RTF2: variants seen among roughly 807,000 people sequenced by gnomAD.
RTF2 encodes UPF0549 protein C20orf43.
Under a neutral mutation model 38.0 loss-of-function variants are expected in RTF2, and 18 were observed. The ratio of observed to expected loss-of-function variants is 0.47; its 90% confidence interval spans 0.33 to 0.70. The LOEUF (loss-of-function observed/expected upper bound fraction) is 0.70, where lower values mean the gene tolerates loss of function less well. Ranked by LOEUF, RTF2 falls within the 30% of genes least tolerant of loss-of-function variation. The pLI is 0.02. For missense variants in RTF2, 311 were observed against 379.6 expected (o/e 0.82, Z 1.50); for synonymous variants, 126 against 137.1 (o/e 0.92, Z 0.57).
intron 3 of RTF2, among the ~76,000 whole-genome samples, chr20:56,475,022 A>G (rs1157181869): frequency 6.6e-6 from 1 of 152,198 alleles, no homozygotes; most frequent in Non-Finnish European, 1.5e-5. Context: ...GATGTTCTCT[A>G]TTAATGTTAG....
chr20:56,477,499 C>T (rs1006725025), intron 4 of RTF2, among the ~76,000 whole-genome samples: 6 of 152,064 alleles, frequency 3.9e-5, no homozygotes, highest in South Asian at 2.1e-4. Context: ...ATCCCATTTC[C>T]TTCCTGTTAC....
chr20:56,468,798 G>T, intron 1 of RTF2, 32 bp downstream of exon 1: 2 of 1,543,020 alleles, frequency 1.3e-6, no homozygotes, highest in East Asian at 2.4e-5. Flanking sequence ...TTGGCGACCG[G>T]GGGTGGTGGG....
intron 4 of RTF2, among the ~76,000 whole-genome samples, chr20:56,478,433 T>TGCA (rs1195682586): frequency 1.3e-5 from 2 of 152,140 alleles, no homozygotes; most frequent in African/African-American, 4.8e-5. Context: ...AATTCAAGGC[T>TGCA]GCAGTGAGGT....
Position 56,468,792 on chromosome 20 carries a change from C to T in RTF2, c.69+26C>T, listed in dbSNP as rs781013498. On this transcript the variant is annotated intron_variant, in intron 1 of 8. Transcript: ENST00000357348. The stretch of plus-strand genomic sequence containing the variant: ...GTCAGTGATGTGGGCCGGCTCTTGG[C>T]GACCGGGGGTGGTGGGAATTTGACG... 1.6e-5 allele frequency: 24 copies of T among 1,548,124 alleles called. No individual in the cohort carries two copies. The Middle Eastern group carries it at 5.0e-4, about 33-fold the overall frequency.
chr20:56,487,817 G>T (rs1568697221), intron 5 of RTF2, among the ~76,000 whole-genome samples: 1 of 152,192 alleles, frequency 6.6e-6, no homozygotes, highest in Non-Finnish European at 1.5e-5. Context: ...CTTCTAGACG[G>T]CCTTCGCCCT....
At chr20:56,510,770 T>C (rs1984605761) in intron 5 of RTF2, among the ~76,000 whole-genome samples, 1 of 152,018 alleles carries the variant, frequency 6.6e-6, no homozygotes, top group African/African-American at 2.4e-5. Flanking sequence ...CAAAACCCTG[T>C]CTCTACAAAA....
chr20:56,473,250 C>A, intron 1 of RTF2, 51 bp from the exon 2 acceptor site: 3 of 1,286,082 alleles, frequency 2.3e-6, no homozygotes, highest in Non-Finnish European at 1.1e-6. Flanking sequence ...GAATTGTGAA[C>A]CATGTGTCTT....
intron 4 of RTF2, 82 bp downstream of exon 4, chr20:56,477,206 C>A: frequency 6.5e-7 from 1 of 1,529,624 alleles, no homozygotes; most frequent in Non-Finnish European, 8.9e-7. Flanking sequence ...CGGAGCTTAG[C>A]AGTCATGTGG....
At chr20:56,491,874 A>C in intron 5 of RTF2, 1 of 891,304 alleles carries the variant, frequency 1.1e-6, no homozygotes, top group East Asian at 2.7e-5. Context: ...GTCCGGTGTC[A>C]GTGGTGAGCC....
chr20:56,511,425 A>G (rs1345410159), intron 5 of RTF2, among the ~76,000 whole-genome samples: 2 of 151,264 alleles, frequency 1.3e-5, no homozygotes, highest in African/African-American at 2.4e-5. Flanking sequence ...CCTTCCCCCA[A>G]CCATCTATGG....
chr20:56,491,728 A>G, intron 5 of RTF2: 1 of 1,552,242 alleles, frequency 6.4e-7, no homozygotes, highest in South Asian at 1.2e-5. Context: ...AAGGCGACTG[A>G]ATGAGCCACG....
At chr20:56,516,782 C>T (rs192793308) in intron 6 of RTF2, 153 bp from the exon 7 acceptor site, 13 of 709,834 alleles carry the variant, frequency 1.8e-5, no homozygotes, top group East Asian at 7.4e-5. Flanking sequence ...TTAGGAGTTA[C>T]GGAACATCAA....
In RTF2 at chr20:56,475,599, C is replaced by T. The variant is rs139058028; in HGVS notation, c.258+828C>T. 3.3e-3 allele frequency among the ~76,000 whole-genome samples: 498 copies of T among 152,126 alleles called. 2 individuals are homozygous for T. The highest frequency in any genetic ancestry group is 1.0e-2 in the African/African-American group (415 of 41,524). ...TGGAAGAGAATTTATTCCTGAAAAA[C>T]CTGTGGTAGTATGAATCATCTTACA... On this transcript the variant is annotated intron_variant, in intron 3 of 8. Coordinates refer to ENST00000357348, the MANE Select transcript of RTF2 (RefSeq NM_016407.5).
At chr20:56,493,156 C>T (rs1040073809) in intron 5 of RTF2, among the ~76,000 whole-genome samples, 6 of 151,940 alleles carry the variant, frequency 3.9e-5, no homozygotes, top group African/African-American at 1.2e-4. Flanking sequence ...AGCCTGGTGA[C>T]AAAGCAAGAC....
chr20:56,496,510 T>C, intron 5 of RTF2: 2 of 1,038,038 alleles, frequency 1.9e-6, no homozygotes, highest in Non-Finnish European at 2.7e-6. Context: ...ATCGCGCCAC[T>C]GCACTCCAGC....
chr20:56,497,740 A>G, intron 5 of RTF2: 1 of 491,312 alleles, frequency 2.0e-6, no homozygotes, highest in South Asian at 2.1e-5. Context: ...ACACTAAACT[A>G]CATATACACA....
At chr20:56,469,274 TC>T (rs1437878371) in intron 1 of RTF2, among the ~76,000 whole-genome samples, 2 of 152,256 alleles carry the variant, frequency 1.3e-5, no homozygotes, top group East Asian at 1.9e-4. Context: ...TTGTATCAAG[TC>T]TTCCCCGCTA....
At chr20:56,513,244 G>T (rs1233216374) in intron 5 of RTF2, 71 bp from the exon 6 acceptor site, 3 of 1,538,574 alleles carry the variant, frequency 1.9e-6, no homozygotes, top group Non-Finnish European at 2.6e-6. Flanking sequence ...GGGGCTGAGA[G>T]TGGGGGACTG....
chr20:56,494,682 A>G (rs1467393103), intron 5 of RTF2, among the ~76,000 whole-genome samples: 1 of 152,232 alleles, frequency 6.6e-6, no homozygotes, highest in Non-Finnish European at 1.5e-5. Flanking sequence ...GTGGCTGTGC[A>G]CATTGGCAGC....
Sources: allele counts gnomAD v4.1 joint callset (sites outside exome capture counted in the v4.1 genomes callset), GRCh38; gene constraint gnomAD v4.1.1; transcripts MANE v1.5; gene names NCBI Gene and HGNC (gene_info 2026-07-23, HGNC 2026-07-21).